The following MARCHF8 variants were observed in gnomAD, a reference collection of about 807,000 sequenced individuals.
The protein encoded by MARCHF8 is E3 ubiquitin-protein ligase MARCHF8.
A neutral mutation model predicts 51.6 loss-of-function variants in MARCHF8; 40 were observed. The observed-to-expected ratio is 0.77, with a 90% CI of 0.60 to 1.01. The LOEUF is 1.01. Ranked by LOEUF, MARCHF8 falls within the 50% of genes least tolerant of loss-of-function variation. The pLI, the probability that MARCHF8 is intolerant of heterozygous loss-of-function variation, is 0.00. For synonymous variants in MARCHF8, 263 were observed against 280.3 expected (o/e 0.94, Z 0.62); for missense variants, 685 against 708.6 (o/e 0.97, Z 0.38).
At chr10:45,584,692 A>C (rs888239291) in intron 1 of MARCHF8, among the ~76,000 whole-genome samples, 2 of 152,184 alleles carry the variant, frequency 1.3e-5, no homozygotes, top group African/African-American at 4.8e-5. Context: ...AAAATAGAGT[A>C]ATCTAGATTA....
At chr10:45,510,705 T>C (rs1283783838) in intron 2 of MARCHF8, among the ~76,000 whole-genome samples, 2 of 152,160 alleles carry the variant, frequency 1.3e-5, no homozygotes, top group Non-Finnish European at 2.9e-5. Context: ...TAAACCTCAT[T>C]GTGGCAATAA....
At chr10:45,584,686 T>C (rs559224785) in intron 1 of MARCHF8, among the ~76,000 whole-genome samples, 1 of 151,990 alleles carries the variant, frequency 6.6e-6, no homozygotes. Context: ...GGAGATAAAA[T>C]AGAGTAATCT....
intron 1 of MARCHF8, among the ~76,000 whole-genome samples, chr10:45,559,634 T>C (rs2044287905): frequency 6.6e-6 from 1 of 152,260 alleles, no homozygotes; most frequent in South Asian, 2.1e-4. Flanking sequence ...TGTATACTGA[T>C]ATTTAAATAA....
At chr10:45,473,700 C>T (rs2132999654) in intron 3 of MARCHF8, among the ~76,000 whole-genome samples, 1 of 152,230 alleles carries the variant, frequency 6.6e-6, no homozygotes, top group South Asian at 2.1e-4. Flanking sequence ...TGGGTTTAAG[C>T]CTCCTCTGCG....
At chr10:45,491,759 T>C (rs1013073758) in intron 2 of MARCHF8, among the ~76,000 whole-genome samples, 2 of 152,216 alleles carry the variant, frequency 1.3e-5, no homozygotes, top group Non-Finnish European at 2.9e-5. Flanking sequence ...AATTTTAGTG[T>C]AGTCTACTAA....
intron 7 of MARCHF8, among the ~76,000 whole-genome samples, chr10:45,458,757 T>C (rs1842692369): frequency 6.6e-6 from 1 of 152,106 alleles, no homozygotes; most frequent in African/African-American, 2.4e-5. Flanking sequence ...GCCTCAGCAA[T>C]CCTCCATCCC....
chr10:45,580,197 C>T (rs1358133110), intron 1 of MARCHF8, among the ~76,000 whole-genome samples: 1 of 151,610 alleles, frequency 6.6e-6, no homozygotes, highest in African/African-American at 2.4e-5. Flanking sequence ...TAGGATATAA[C>T]CACAAAACGC....
chr10:45,487,630 G>A (rs977353312), intron 3 of MARCHF8, among the ~76,000 whole-genome samples: 2 of 152,152 alleles, frequency 1.3e-5, no homozygotes, highest in Non-Finnish European at 2.9e-5. Context: ...AGAAATGGAG[G>A]TTGGATGGGA....
At chr10:45,464,021 A>G in intron 4 of MARCHF8, 25 bp from the exon 5 acceptor site, 1 of 1,513,364 alleles carries the variant, frequency 6.6e-7, no homozygotes, top group Non-Finnish European at 8.8e-7. Context: ...GTGGGATAAA[A>G]GCACAGAAAG....
intron 2 of MARCHF8, among the ~76,000 whole-genome samples, chr10:45,512,101 C>A (rs1180660441): frequency 1.3e-5 from 2 of 149,842 alleles, no homozygotes; most frequent in East Asian, 4.1e-4. Flanking sequence ...TGCCCCGCCG[C>A]CCCGTCTGGG....
chr10:45,480,869 G>A (rs1355909048), intron 3 of MARCHF8, among the ~76,000 whole-genome samples: 1 of 152,212 alleles, frequency 6.6e-6, no homozygotes, highest in Non-Finnish European at 1.5e-5. Context: ...GGAGCTGTGA[G>A]AAGAGGGCCA....
chr10:45,540,440 T>A (rs2044033982), intron 1 of MARCHF8, among the ~76,000 whole-genome samples: 1 of 152,140 alleles, frequency 6.6e-6, no homozygotes, highest in African/African-American at 2.4e-5. Flanking sequence ...AAGACTTACA[T>A]GTTAGACCTA....
At position 45,499,748 on chromosome 10, in the gene MARCHF8, G is replaced by A. The variant is rs888694478; in HGVS notation, c.103-10331C>T. Among the ~76,000 whole-genome samples, 13 of 152,216 alleles carry A rather than the reference G, an allele frequency of 8.5e-5. No homozygotes were observed. In the South Asian group the frequency reaches 2.5e-3, roughly 29 times the overall value. ...TGTGGGAAATCATTTGGCCAAATATGTGAGGCTTTATTTCTGGGACTCTCT... is the reference window on the plus strand; with the variant it reads ...TGTGGGAAATCATTTGGCCAAATATATGAGGCTTTATTTCTGGGACTCTCT... On this transcript the variant is annotated intron_variant, in intron 2 of 7. Coordinates refer to ENST00000453424, the MANE Select transcript of MARCHF8 (RefSeq NM_001282866.2).
intron 3 of MARCHF8, among the ~76,000 whole-genome samples, chr10:45,479,808 G>A (rs1439765231): frequency 1.3e-5 from 2 of 152,170 alleles, no homozygotes; most frequent in Non-Finnish European, 2.9e-5. Flanking sequence ...TGTGAAAACA[G>A]ACCAATACAG....
intron 2 of MARCHF8, among the ~76,000 whole-genome samples, chr10:45,496,722 G>T (rs1167269702): frequency 1.3e-5 from 2 of 151,982 alleles, no homozygotes; most frequent in African/African-American, 4.8e-5. Context: ...ATCATTCTAT[G>T]TCTTACAGGA....
chr10:45,523,948 A>G (rs904802627), intron 2 of MARCHF8, among the ~76,000 whole-genome samples: 18 of 152,202 alleles, frequency 1.2e-4, no homozygotes, highest in African/African-American at 4.1e-4. Context: ...CCAGTTCTCA[A>G]GTTTTACGTG....
chr10:45,471,640 G>A (rs192779965), intron 3 of MARCHF8, among the ~76,000 whole-genome samples: 47 of 152,282 alleles, frequency 3.1e-4, no homozygotes, highest in Admixed American at 3.1e-3. Flanking sequence ...AGAGAATTCT[G>A]GGGCAGTGGC....
Position 45,463,315 on chromosome 10 carries a change from T to C in MARCHF8, c.924A>G (p.Gly308=). The change falls in exon 5 of 8, where the codon GGA becomes GGG. Residue 308 remains glycine (G), a synonymous_variant. Coordinates refer to ENST00000453424, the MANE Select transcript of MARCHF8 (RefSeq NM_001282866.2). ...GSMGFCSDEM[G]DDDVFEDSTS... ...TGCTGTCCTCAAAGACATCGTCGTCTCCCATCTCGTCAGAGCAGAAGCCCA... is the reference window on the plus strand; with the variant it reads ...TGCTGTCCTCAAAGACATCGTCGTCCCCCATCTCGTCAGAGCAGAAGCCCA... The C allele has an allele frequency of 6.4e-7, 1 of 1,550,974 alleles. No individual in the cohort carries two copies. The highest frequency in any genetic ancestry group is 1.4e-5 in the African/African-American group (1 of 73,174).
intron 7 of MARCHF8, among the ~76,000 whole-genome samples, chr10:45,458,865 G>A (rs922761332): frequency 6.6e-6 from 1 of 152,172 alleles, no homozygotes; most frequent in Non-Finnish European, 1.5e-5. Context: ...GGAAGACAGT[G>A]TCCAGCTACT....
Sources: gnomAD v4.1 joint callset for allele counts (sites outside exome capture counted in the v4.1 genomes callset) on GRCh38, gnomAD v4.1.1 for gene constraint, MANE v1.5 for transcripts, NCBI Gene and HGNC (gene_info 2026-07-23, HGNC 2026-07-21) for gene names.